AQP9: variants seen among roughly 807,000 people sequenced by gnomAD.
AQP9 encodes the protein aquaporin 9, also known as aquaporin-9.
AQP9 carries 19 observed loss-of-function variants against 23.8 expected under a neutral mutation model. The observed-to-expected ratio is 0.80, with a 90% confidence interval of 0.56 to 1.17. The LOEUF (loss-of-function observed/expected upper bound fraction) is 1.17, where lower values mean the gene tolerates loss of function less well. Ranked by LOEUF, AQP9 falls within the 50% of genes most tolerant of loss-of-function variation. The probability of loss-of-function intolerance (pLI) is 0.00; values close to 1 mark genes in which losing one functional copy is unlikely to be tolerated. For synonymous variants in AQP9, 153 were observed against 131.5 expected (o/e 1.16, Z -1.12); for missense variants, 413 against 362.0 (o/e 1.14, Z -1.14).
At chr15:58,160,529 A>G (rs1898354301) in intron 1 of AQP9, among the ~76,000 whole-genome samples, 1 of 152,082 alleles carries the variant, frequency 6.6e-6, no homozygotes, top group South Asian at 2.1e-4. Flanking sequence ...ATCTTTCATC[A>G]AATATTATTA....
chr15:58,179,509 A>ATGTGTGTG (rs3052103), intron 5 of AQP9, among the ~76,000 whole-genome samples, 164 bp downstream of exon 5: 1,626 of 148,836 alleles, frequency 0.011, 16 homozygotes, highest in Middle Eastern at 0.041. Context: ...TTGTGGTATG[A>ATGTGTGTG]TGTGTGTGTG....
chr15:58,181,265 C>T (rs1898883215), intron 5 of AQP9, among the ~76,000 whole-genome samples: 1 of 152,194 alleles, frequency 6.6e-6, no homozygotes, highest in Non-Finnish European at 1.5e-5. Context: ...ATTCATGCAG[C>T]TACTTGATAT....
At chr15:58,177,373 G>A (rs1663247) in intron 4 of AQP9, among the ~76,000 whole-genome samples, 134,132 of 152,242 alleles carry the variant, frequency 0.88, 59,681 homozygotes, top group Non-Finnish European at 0.95. Flanking sequence ...CAGAGTGACA[G>A]GGACACTGAT....
intron 1 of AQP9, among the ~76,000 whole-genome samples, chr15:58,149,514 A>C (rs1387212233): frequency 2.6e-5 from 4 of 152,226 alleles, no homozygotes; most frequent in Non-Finnish European, 4.4e-5. Flanking sequence ...ACAGAAAGAG[A>C]GCCTTAGTCA....
At chr15:58,172,229 G>A (rs900602049) in intron 2 of AQP9, among the ~76,000 whole-genome samples, 16 of 152,140 alleles carry the variant, frequency 1.1e-4, no homozygotes, top group Non-Finnish European at 1.8e-4. Context: ...TTTCTCATCC[G>A]TTAACTGGAG....
rs1481735023 is a variant in AQP9 at position 58,166,920 on chromosome 15, T to C, written c.238+121T>C. 5.5e-6 allele frequency: 7 copies of C among 1,273,174 alleles called. No individual in the cohort carries two copies. The East Asian group carries it at 8.2e-5, about 15-fold the overall frequency. The allele number at this position is 1,273,174 out of a possible 1,614,324, so 78.9% of individuals were successfully genotyped here. On this transcript the variant is annotated intron_variant, in intron 2 of 5. Transcript: ENST00000219919. Reference sequence around the variant, plus strand: ...CTCAAAAATCCTGCAAGAGTGTGTATTGGATCCCATTTTTATAGATAAAAT... The same window carrying C: ...CTCAAAAATCCTGCAAGAGTGTGTACTGGATCCCATTTTTATAGATAAAAT...
At chr15:58,158,173 C>G (rs1898302769) in intron 1 of AQP9, among the ~76,000 whole-genome samples, 1 of 152,120 alleles carries the variant, frequency 6.6e-6, no homozygotes, top group African/African-American at 2.4e-5. Context: ...CTTTGCTTTT[C>G]AACATGCAGA....
intron 1 of AQP9, chr15:58,153,353 T>C (rs1202084325): frequency 6.6e-6 from 1 of 152,174 alleles, no homozygotes; most frequent in African/African-American, 2.4e-5. Flanking sequence ...TCTAGCACTA[T>C]AGTTGTACAG....
intron 5 of AQP9, among the ~76,000 whole-genome samples, chr15:58,179,802 G>C (rs1199581105): frequency 6.6e-6 from 1 of 152,084 alleles, no homozygotes; most frequent in Admixed American, 6.6e-5. Context: ...CTGTGCTTTA[G>C]TCACTGTGCT....
chr15:58,143,896 C>G (rs567341709), intron 1 of AQP9, among the ~76,000 whole-genome samples: 290 of 152,304 alleles, frequency 1.9e-3, no homozygotes, highest in African/African-American at 6.8e-3. Flanking sequence ...GCATCCTCAA[C>G]TTTATGTGTA....
intron 1 of AQP9, among the ~76,000 whole-genome samples, chr15:58,159,084 T>C (rs1030701025): frequency 5.3e-5 from 8 of 152,342 alleles, no homozygotes; most frequent in African/African-American, 1.9e-4. Context: ...ACCTGTGGGC[T>C]GATTATTCCC....
intron 1 of AQP9, among the ~76,000 whole-genome samples, chr15:58,143,713 T>G (rs1364372905): frequency 6.6e-6 from 1 of 152,206 alleles, no homozygotes; most frequent in Non-Finnish European, 1.5e-5. Context: ...TTCTGAAATT[T>G]ATTAATTTGG....
At chr15:58,146,377 T>C (rs1898044241) in intron 1 of AQP9, among the ~76,000 whole-genome samples, 1 of 152,166 alleles carries the variant, frequency 6.6e-6, no homozygotes, top group Admixed American at 6.5e-5. Flanking sequence ...TTTGGTTCTA[T>C]CTAATCTTCT....
chr15:58,182,301 G>A (rs1337087500), intron 5 of AQP9, among the ~76,000 whole-genome samples: 15 of 152,164 alleles, frequency 9.9e-5, no homozygotes, highest in African/African-American at 3.1e-4. Context: ...ACATACACAT[G>A]TTCCTGGCAT....
chr15:58,162,292 G>C (rs1279382730), intron 1 of AQP9, among the ~76,000 whole-genome samples: 2 of 152,214 alleles, frequency 1.3e-5, no homozygotes, highest in Admixed American at 1.3e-4. Context: ...CAAACGAAGA[G>C]AGAACCCCGG....
At position 58,184,916 on chromosome 15, in the gene AQP9, C is replaced by G. The variant is rs1259465642; in HGVS notation, c.*781C>G. 2 of 152,210 alleles carry G rather than the reference C, an allele frequency of 1.3e-5. No individual in the cohort carries two copies. The highest frequency in any genetic ancestry group is 3.8e-4 in the East Asian group (2 of 5,198). The allele number at this position is 152,210 out of a possible 1,614,324, so 9.4% of individuals were successfully genotyped here. The stretch of plus-strand genomic sequence containing the variant: ...CCTCAGTCATGAAAAATACATCACT[C>G]TGTCTTTTTAGCTCAAATGTATTTT... On this transcript the variant is annotated 3_prime_UTR_variant, in exon 6 of 6. Coordinates refer to ENST00000219919, the MANE Select transcript of AQP9 (RefSeq NM_020980.5).
At chr15:58,145,508 CAT>C (rs537889091) in intron 1 of AQP9, among the ~76,000 whole-genome samples, 165 of 150,590 alleles carry the variant, frequency 1.1e-3, no homozygotes, top group East Asian at 9.5e-3. Flanking sequence ...AAAAATTACC[CAT>C]ATATATATAT....
intron 5 of AQP9, among the ~76,000 whole-genome samples, chr15:58,182,512 G>T (rs1342965117): frequency 6.6e-6 from 1 of 152,174 alleles, no homozygotes; most frequent in Non-Finnish European, 1.5e-5. Flanking sequence ...CTAAATGACA[G>T]GAAGAAATTT....
intron 1 of AQP9, among the ~76,000 whole-genome samples, chr15:58,156,450 TCAAA>T (rs1898261305): frequency 6.6e-6 from 1 of 152,132 alleles, no homozygotes; most frequent in African/African-American, 2.4e-5. Context: ...ACTGTACAAC[TCAAA>T]CTAAGCCAAC....
Sources: gnomAD v4.1 joint callset for allele counts (sites outside exome capture counted in the v4.1 genomes callset) on GRCh38, gnomAD v4.1.1 for gene constraint, MANE v1.5 for transcripts, NCBI Gene and HGNC (gene_info 2026-07-23, HGNC 2026-07-21) for gene names.